Variants in BCL6B observed in about 807,000 individuals in gnomAD.
The protein encoded by BCL6B is BCL6B transcription repressor.
A neutral mutation model predicts 44.6 loss-of-function variants in BCL6B; 28 were observed. The observed-to-expected ratio is 0.63, with a 90% CI of 0.47 to 0.86. BCL6B has a LOEUF of 0.86. BCL6B is among the 40% of genes least tolerant of loss of function. BCL6B has a pLI of 0.00. For missense variants in BCL6B, 626 were observed against 652.3 expected (o/e 0.96, Z 0.44); for synonymous variants, 268 against 263.6 (o/e 1.02, Z -0.16).
At chr17:7,025,020 A>AC (rs2151663503) in intron 4 of BCL6B, 56 bp from the exon 5 acceptor site, 2 of 1,574,750 alleles carry the variant, frequency 1.3e-6, no homozygotes, top group South Asian at 1.2e-5. Context: ...CCAGGAGAGA[A>AC]CCCCCACCCC....
intron 2 of BCL6B, 104 bp downstream of exon 2, chr17:7,023,954 A>G (rs1448711375): frequency 4.6e-6 from 7 of 1,535,472 alleles, no homozygotes; most frequent in African/African-American, 1.4e-5. Context: ...CAGGAGGCGG[A>G]GCGTCCCAGA....
rs747650788 is a variant in BCL6B at position 7,026,412 on chromosome 17, C to T, written c.890-45C>T. 7.5e-6 allele frequency: 12 copies of T among 1,600,952 alleles called. No homozygotes were observed. In the East Asian group the frequency reaches 2.7e-4, roughly 36 times the overall value. On this transcript the variant is annotated intron_variant, in intron 5 of 8. Coordinates refer to ENST00000293805, the MANE Select transcript of BCL6B (RefSeq NM_181844.4). Reference sequence around the variant, plus strand: ...TGAGGATTCAGTAGTACCTAGATAGCCCTCATTAATAACTATGGTTGCCGT... The same window carrying T: ...TGAGGATTCAGTAGTACCTAGATAGTCCTCATTAATAACTATGGTTGCCGT...
chr17:7,028,103 T>C lies in BCL6B; in HGVS notation c.*484T>C. On this transcript the variant is annotated 3_prime_UTR_variant, in exon 9 of 9. Transcript: ENST00000293805. ...GGCAGAGATTACTAGCCCTTGGCTC[T>C]CTCGTTTGGCTTGGGTATTTTATAT... 1 of 987,754 alleles carries C rather than the reference T, an allele frequency of 1.0e-6. No homozygotes were observed. Among genetic ancestry groups the C allele is most frequent in the Non-Finnish European group, 1.2e-6 (1 of 831,550 alleles). The allele number at this position is 987,754 out of a possible 1,614,324, so 61.2% of individuals were successfully genotyped here.
rs372820272 is a variant in BCL6B at position 7,023,709 on chromosome 17, A to G, written c.38A>G (p.Tyr13Cys). 25 of 1,612,958 alleles carry G rather than the reference A, an allele frequency of 1.5e-5. No homozygotes were observed. The African/African-American group carries it at 2.1e-4, about 14-fold the overall frequency. ...GCCGCCCCGGAGGGAGCGCTGGGCTACGTCCGCGAGTTCACTCGCCACTCC... is the reference window on the plus strand; with the variant it reads ...GCCGCCCCGGAGGGAGCGCTGGGCTGCGTCCGCGAGTTCACTCGCCACTCC... ...SPAAPEGALG[Y>C]VREFTRHSSD... is the part of the protein sequence containing the mutation. Residue 13 changes from tyrosine to cysteine, a missense_variant, in exon 2 of 9, where the codon TAC becomes TGC. Physicochemically the swap from Tyr to Cys is radical, Grantham distance 194. Transcript: ENST00000293805.
At position 7,024,957 on chromosome 17, in the gene BCL6B, T is replaced by G; in HGVS notation, c.765-119T>G. ...GGGCAGTACAATGGATGTGGCTCAT[T>G]GGTCAACAATATTGGCTCACCCTGA... is the stretch of plus-strand genomic sequence containing the variant. On this transcript the variant is annotated intron_variant, in intron 4 of 8. Transcript: ENST00000293805. The surrounding 1 kb of genome is among the most constrained non-coding windows in gnomAD (Gnocchi z 6.6). The G allele has an allele frequency of 6.6e-7, 1 of 1,506,458 alleles. No homozygotes were observed. The highest frequency in any genetic ancestry group is 1.3e-5 in the South Asian group (1 of 77,008). 93.3% of individuals were successfully genotyped at this position (1,506,458 alleles called of 1,614,324 possible).
rs765061020 is a variant in BCL6B, at chr17:7,027,653, C to T, written c.*34C>T. On this transcript the variant is annotated 3_prime_UTR_variant, in exon 9 of 9. Coordinates refer to ENST00000293805, the MANE Select transcript of BCL6B (RefSeq NM_181844.4). ...AGGCCCAGGCCCCACTTGCTTCCTG[C>T]GGGTGGGAAAGCTGCAGGCCCAGGC... 2.2e-5 allele frequency: 35 copies of T among 1,610,616 alleles called. No individual in the cohort carries two copies. The Middle Eastern group carries it at 6.6e-4, about 31-fold the overall frequency.
rs750714161 is a variant in BCL6B at position 7,027,634 on chromosome 17, AG to A, written c.*17del. 1.2e-6 allele frequency: 2 copies of A among 1,612,520 alleles called. No individual in the cohort carries two copies. The highest frequency in any genetic ancestry group is 1.7e-6 in the Non-Finnish European group (2 of 1,179,920). On this transcript the variant is annotated 3_prime_UTR_variant, in exon 9 of 9. Transcript: ENST00000293805. ...GGGGGCCCTAGCTGAGCGCAGGCCCAGGCCCCACTTGCTTCCTGCGGGTGGG... is the reference window on the plus strand; with the variant it reads ...GGGGGCCCTAGCTGAGCGCAGGCCCAGCCCCACTTGCTTCCTGCGGGTGGG...
In BCL6B at chr17:7,023,863, G is replaced by A. The variant is rs1291197829; in HGVS notation, c.179+13G>A. 6.2e-7 allele frequency: 1 copy of A among 1,609,810 alleles called. No individual in the cohort carries two copies. The highest frequency in any genetic ancestry group is 8.5e-7 in the Non-Finnish European group (1 of 1,177,788). ...TCATCGCCTGCAGGTTCGAGGGGTG[G>A]GGCCTGGGGCGGGGCCAAATGGGAA... On this transcript the variant is annotated intron_variant, in intron 2 of 8. Coordinates refer to ENST00000293805, the MANE Select transcript of BCL6B (RefSeq NM_181844.4).
Position 7,023,722 on chromosome 17 carries a change from C to G in BCL6B, c.51C>G (p.Phe17Leu). The part of the protein sequence containing the change: ...PEGALGYVRE[F>L]TRHSSDVLGN... ...GAGCGCTGGGCTACGTCCGCGAGTT[C>G]ACTCGCCACTCCTCCGACGTGCTGG... Residue 17 changes from phenylalanine to leucine, a missense_variant, in exon 2 of 9, where the codon TTC becomes TTG. By Grantham distance (22) the Phe-to-Leu change is conservative. Coordinates refer to ENST00000293805, the MANE Select transcript of BCL6B (RefSeq NM_181844.4). 6.2e-7 allele frequency: 1 copy of G among 1,613,204 alleles called. No homozygotes were observed. Among genetic ancestry groups the G allele is most frequent in the Non-Finnish European group, 8.5e-7 (1 of 1,180,028 alleles).
rs1410709354 is a variant in BCL6B at position 7,024,504 on chromosome 17, G to T, written c.505G>T (p.Asp169Tyr). 6.2e-7 allele frequency: 1 copy of T among 1,612,668 alleles called. No homozygotes were observed. The highest frequency in any genetic ancestry group is 1.1e-5 in the South Asian group (1 of 91,046). The change falls in exon 4 of 9, where the codon GAC (aspartate) becomes TAC (tyrosine). Residue 169 changes from aspartate (D) to tyrosine (Y), a missense_variant. By Grantham distance (160) the Asp-to-Tyr change is radical. Coordinates refer to ENST00000293805, the MANE Select transcript of BCL6B (RefSeq NM_181844.4). This position sits in a 1 kb window ranked among gnomAD's most constrained non-coding sequence, Gnocchi z 6.6. ...TCCCAGGCGCTCCGAAGGACACCCA[G>T]ACCCACCTACTGAATCTCGAAGCTG... ...GSPRRSEGHP[D>Y]PPTESRSCSQ... is the part of the protein sequence containing the mutation.
chr17:7,025,674 A>C (rs1910265359), intron 5 of BCL6B, among the ~76,000 whole-genome samples: 1 of 152,100 alleles, frequency 6.6e-6, no homozygotes, highest in African/African-American at 2.4e-5. Context: ...CTCTACAAAA[A>C]ATAAAAATGA....
At position 7,028,298 on chromosome 17, in the gene BCL6B, G is replaced by A; in HGVS notation, c.*679G>A. On this transcript the variant is annotated 3_prime_UTR_variant, in exon 9 of 9. Coordinates refer to ENST00000293805, the MANE Select transcript of BCL6B (RefSeq NM_181844.4). ...TGGGAACATGCGGGATTGTGGAATTGGGTCAGGAACCCTCTCTGGTATTCT... is the reference window on the plus strand; with the variant it reads ...TGGGAACATGCGGGATTGTGGAATTAGGTCAGGAACCCTCTCTGGTATTCT... 1 of 985,450 alleles carries A rather than the reference G, an allele frequency of 1.0e-6. No individual in the cohort carries two copies. The highest frequency in any genetic ancestry group is 1.2e-6 in the Non-Finnish European group (1 of 829,992). The allele number at this position is 985,450 out of a possible 1,614,324, so 61.0% of individuals were successfully genotyped here. A position where few individuals can be genotyped will look rare whatever the true frequency, so the allele number is the denominator to read the frequency against.
chr17:7,026,813 C>T lies in BCL6B; in HGVS notation c.1163C>T (p.Thr388Met), dbSNP rs769200715. ...HSGEKPYKCE[T>M]CGSRFVQVAH... ...GGAGAGAAGCCGTATAAGTGTGAGACGTGCGGCTCGCGCTTTGTACAGGTA... is the reference window on the plus strand; with the variant it reads ...GGAGAGAAGCCGTATAAGTGTGAGATGTGCGGCTCGCGCTTTGTACAGGTA... The change falls in exon 7 of 9, where the codon ACG becomes ATG. Residue 388 changes from threonine to methionine, a missense_variant. Coordinates refer to ENST00000293805, the MANE Select transcript of BCL6B (RefSeq NM_181844.4). 7 of 1,614,114 alleles carry T rather than the reference C, an allele frequency of 4.3e-6. No individual in the cohort carries two copies. In the Admixed American group the frequency reaches 6.7e-5, roughly 15 times the overall value.
Position 7,023,097 on chromosome 17 carries a change from G to A in BCL6B, c.-15G>A, listed in dbSNP as rs1265508903. The stretch of plus-strand genomic sequence containing the variant: ...GAGAAGCCGCGGCCCCTGCAGGACG[G>A]GGGTAAGAACAAGAGACTGAGGGAG... On this transcript the variant is annotated splice_region_variant and 5_prime_UTR_variant, in exon 1 of 9. Transcript: ENST00000293805. 1 of 152,652 alleles carries A rather than the reference G, an allele frequency of 6.6e-6. No individual in the cohort carries two copies. Among genetic ancestry groups the A allele is most frequent in the Non-Finnish European group, 1.5e-5 (1 of 68,230 alleles). 9.5% of individuals were successfully genotyped at this position (152,652 alleles called of 1,614,324 possible).
In BCL6B at chr17:7,026,436, G is replaced by A. The variant is rs145125755; in HGVS notation, c.890-21G>A. The A allele has an allele frequency of 8.2e-4, 1,316 of 1,612,434 alleles. 2 individuals are homozygous for A. Among genetic ancestry groups the A allele is most frequent in the South Asian group, 1.3e-3 (115 of 91,000 alleles). ...GCCCTCATTAATAACTATGGTTGCC[G>A]TCACCCATTCCCCTTCCCAGGAAGT... On this transcript the variant is annotated intron_variant, in intron 5 of 8. Coordinates refer to ENST00000293805, the MANE Select transcript of BCL6B (RefSeq NM_181844.4).
Position 7,026,509 on chromosome 17 carries a change from G to A in BCL6B, c.942G>A (p.Ser314=), listed in dbSNP as rs372167747. The change falls in exon 6 of 9, where the codon TCG becomes TCA. Residue 314 remains serine, a synonymous_variant. Transcript: ENST00000293805. Reference sequence around the variant, plus strand: ...GTGAGGCTGTGGCAGGGTGCTCATCGGGGCTGGACTCCTTGGTTCCTGGGG... The same window carrying A: ...GTGAGGCTGTGGCAGGGTGCTCATCAGGGCTGGACTCCTTGGTTCCTGGGG... ...QNCEAVAGCS[S]GLDSLVPGDE... 5.9e-5 allele frequency: 96 copies of A among 1,614,158 alleles called. No homozygotes were observed. The highest frequency in any genetic ancestry group is 4.0e-4 in the African/African-American group (30 of 75,032).
In BCL6B at chr17:7,024,296, C is replaced by A. The variant is rs377735010; in HGVS notation, c.393C>A (p.Ile131=). The change falls in exon 3 of 9, where the codon ATC becomes ATA. Residue 131 remains isoleucine (I), a synonymous_variant. Transcript: ENST00000293805. This position sits in a 1 kb window ranked among gnomAD's most constrained non-coding sequence, Gnocchi z 6.6. The part of the protein sequence containing the change: ...EHVVQACHRF[I]QASYEPLGIS... ...TGGTCCAGGCATGCCACCGCTTCAT[C>A]CAGGCCAGGTGAGGGACCCTGGCTC... 3 of 1,613,690 alleles carry A rather than the reference C, an allele frequency of 1.9e-6. No homozygotes were observed. Among genetic ancestry groups the A allele is most frequent in the Middle Eastern group, 1.6e-4 (1 of 6,084 alleles).
Position 7,026,802 on chromosome 17 carries a change from T to G in BCL6B, c.1152T>G (p.Tyr384Ter). Residue 384 changes from tyrosine (Y) to a stop codon, truncating the protein, a stop_gained, in exon 7 of 9, where the codon TAT (tyrosine) becomes TAG (stop). Coordinates refer to ENST00000293805, the MANE Select transcript of BCL6B (RefSeq NM_181844.4). LOFTEE classifies it high-confidence loss of function. The part of the protein sequence containing the change: ...HSRIHSGEKP[Y>*]KCETCGSRFV... The stretch of plus-strand genomic sequence containing the variant: ...GCATCCATTCGGGAGAGAAGCCGTA[T>G]AAGTGTGAGACGTGCGGCTCGCGCT... 1 of 1,614,112 alleles carries G rather than the reference T, an allele frequency of 6.2e-7. No homozygotes were observed. The highest frequency in any genetic ancestry group is 8.5e-7 in the Non-Finnish European group (1 of 1,180,032).
Position 7,029,228 on chromosome 17 carries a change from G to A in BCL6B, c.*1609G>A, listed in dbSNP as rs1013185700. 2 of 986,256 alleles carry A rather than the reference G, an allele frequency of 2.0e-6. No homozygotes were observed. Among genetic ancestry groups the A allele is most frequent in the African/African-American group, 3.5e-5 (2 of 57,266 alleles). 61.1% of individuals were successfully genotyped at this position (986,256 alleles called of 1,614,324 possible). ...GTTTCTGGTGTAGGCCAGGTAGGTA[G>A]AAAGTGAGGAACAGGGTTGCCTCTT... On this transcript the variant is annotated 3_prime_UTR_variant, in exon 9 of 9. Transcript: ENST00000293805.
Sources: allele counts gnomAD v4.1 joint callset (sites outside exome capture counted in the v4.1 genomes callset), GRCh38; gene constraint gnomAD v4.1.1; non-coding constraint Gnocchi (gnomAD v3.1); transcripts MANE v1.5; gene names NCBI Gene and HGNC (gene_info 2026-07-23, HGNC 2026-07-21).